Variants in NXPE2 observed in about 807,000 individuals in gnomAD.
NXPE2 encodes NXPE family member 2.
Under a neutral mutation model 34.4 loss-of-function variants are expected in NXPE2, and 34 were observed. That is an observed-to-expected ratio of 0.99 (90% CI 0.75 to 1.31). NXPE2 has a LOEUF of 1.31. Ranked by LOEUF, NXPE2 falls within the 40% of genes most tolerant of loss-of-function variation. NXPE2 has a pLI of 0.00. For synonymous variants in NXPE2, 235 were observed against 231.3 expected (o/e 1.02, Z -0.15); for missense variants, 649 against 672.5 (o/e 0.97, Z 0.39).
chr11:114,673,214 A>T, the NXPE2 span, among the ~76,000 whole-genome samples: 368 of 151,532 alleles, frequency 2.4e-3, 6 homozygotes, highest in Non-Finnish European at 3.9e-3. Context: ...TAAACAACAC[A>T]CTACTAAATA....
At chr11:114,601,891 T>A in the NXPE2 span, among the ~76,000 whole-genome samples, 16 of 57,850 alleles carry the variant, frequency 2.8e-4, no homozygotes, top group South Asian at 2.2e-3. Flanking sequence ...TAATTATATA[T>A]TATATTTATA....
chr11:114,636,950 G>A, the NXPE2 span, among the ~76,000 whole-genome samples: 1 of 152,144 alleles, frequency 6.6e-6, no homozygotes, highest in Admixed American at 6.5e-5. Flanking sequence ...TTGATTTGGG[G>A]TGGAGAGTTC....
chr11:114,586,730 T>C, the NXPE2 span, among the ~76,000 whole-genome samples: 7 of 152,188 alleles, frequency 4.6e-5, no homozygotes, highest in East Asian at 9.6e-4. Flanking sequence ...AACAGCCTGA[T>C]GGGTGATGGC....
the NXPE2 span, among the ~76,000 whole-genome samples, chr11:114,605,426 G>A: frequency 4.6e-5 from 7 of 151,634 alleles, no homozygotes; most frequent in East Asian, 3.9e-4. Flanking sequence ...GTATTGCCTC[G>A]TGCGTAACCA....
the NXPE2 span, among the ~76,000 whole-genome samples, chr11:114,615,214 C>T: frequency 1.3e-5 from 2 of 149,126 alleles, no homozygotes; most frequent in Non-Finnish European, 3.0e-5. Flanking sequence ...CCGGTGGATA[C>T]TAAGTATCGC....
At chr11:114,494,865 G>A in the NXPE2 span, among the ~76,000 whole-genome samples, 67 of 152,234 alleles carry the variant, frequency 4.4e-4, no homozygotes, top group Admixed American at 2.8e-3. Context: ...CCAGGTGCTC[G>A]GAGGGACTTG....
the NXPE2 span, among the ~76,000 whole-genome samples, chr11:114,612,851 G>T: frequency 6.6e-6 from 1 of 151,826 alleles, no homozygotes; most frequent in East Asian, 1.9e-4. Context: ...TTGCCTTGTG[G>T]GTAATCAATG....
the NXPE2 span, among the ~76,000 whole-genome samples, chr11:114,505,990 A>T: frequency 6.6e-6 from 1 of 152,158 alleles, no homozygotes; most frequent in Non-Finnish European, 1.5e-5. Context: ...CTCACATGCA[A>T]TGACACACAT....
At chr11:114,800,798 C>CACAGGATTTCTGTGGGGATTAA in the NXPE2 span, among the ~76,000 whole-genome samples, 18,522 of 152,034 alleles carry the variant, frequency 0.12, 1,281 homozygotes, top group Admixed American at 0.21. Flanking sequence ...ATACCCACCT[C>CACAGGATTTCTGTGGGGATTAA]ACAGGATTTC....
chr11:114,782,468 T>C, the NXPE2 span, among the ~76,000 whole-genome samples: 7 of 152,216 alleles, frequency 4.6e-5, no homozygotes, highest in African/African-American at 1.2e-4. Context: ...GGTAAGTAAA[T>C]AAGTTGTTTA....
the NXPE2 span, chr11:114,522,107 A>G: frequency 1.2e-6 from 2 of 1,614,102 alleles, no homozygotes; most frequent in South Asian, 1.1e-5. Flanking sequence ...AATATCCTTC[A>G]TGATAAGATA....
At chr11:114,641,060 A>T in the NXPE2 span, among the ~76,000 whole-genome samples, 1 of 151,890 alleles carries the variant, frequency 6.6e-6, no homozygotes, top group Admixed American at 6.6e-5. Flanking sequence ...CAGAAAGAAG[A>T]ACCAGTTGAA....
At chr11:114,552,906 T>G in the NXPE2 span, 1 of 954,912 alleles carries the variant, frequency 1.0e-6, no homozygotes, top group African/African-American at 1.8e-5. Flanking sequence ...AGCAGCAAAA[T>G]TAATGAAATA....
chr11:114,496,964 T>G, the NXPE2 span, among the ~76,000 whole-genome samples: 1 of 152,236 alleles, frequency 6.6e-6, no homozygotes. Flanking sequence ...ATAATGATAA[T>G]AAACGATTAT....
At chr11:114,474,498 C>A in the NXPE2 span, among the ~76,000 whole-genome samples, 5 of 152,232 alleles carry the variant, frequency 3.3e-5, no homozygotes, top group East Asian at 9.7e-4. Context: ...TGATTAATTG[C>A]ATTAAATGCT....
chr11:114,482,850 A>T, the NXPE2 span, among the ~76,000 whole-genome samples: 16 of 152,150 alleles, frequency 1.1e-4, no homozygotes, highest in Non-Finnish European at 1.9e-4. Context: ...GCCTTGAGAG[A>T]TCTGCGAATG....
the NXPE2 span, chr11:114,522,378 A>G: frequency 2.6e-5 from 42 of 1,614,156 alleles, no homozygotes; most frequent in African/African-American, 4.8e-4. Flanking sequence ...TCTATCAGAG[A>G]GTAGAGCTGG....
At chr11:114,719,620 T>C in the NXPE2 span, among the ~76,000 whole-genome samples, 1 of 152,218 alleles carries the variant, frequency 6.6e-6, no homozygotes, top group African/African-American at 2.4e-5. Context: ...AGACTTTGCT[T>C]CTCCAGGCCT....
At chr11:114,786,355 A>ACC in the NXPE2 span, among the ~76,000 whole-genome samples, 2,141 of 126,974 alleles carry the variant, frequency 0.017, 85 homozygotes, top group Non-Finnish European at 0.021. Flanking sequence ...AGATCTTTCT[A>ACC]CCCCCGCCCC....
Sources: allele counts gnomAD v4.1 joint callset (sites outside exome capture counted in the v4.1 genomes callset), GRCh38; gene constraint gnomAD v4.1.1; transcripts MANE v1.5; gene names NCBI Gene and HGNC (gene_info 2026-07-23, HGNC 2026-07-21).